Variants in PLOD1 observed in about 807,000 individuals in gnomAD.
PLOD1 encodes the protein lysine hydroxylase.
In PLOD1, 70 loss-of-function variants were observed where a neutral mutation model predicts 94.7. The ratio of observed to expected loss-of-function variants is 0.74; its 90% CI spans 0.61 to 0.90. The LOEUF is 0.90. Among genes scored for constraint, PLOD1 ranks in the 40% least tolerant of loss-of-function variants. PLOD1 has a pLI of 0.00. For synonymous variants in PLOD1, 417 were observed against 400.2 expected, an observed-to-expected ratio of 1.04 and a Z score of -0.50; for missense variants, 905 against 972.7, an observed-to-expected ratio of 0.93 and a Z score of 0.93.
At chr1:11,948,635 C>T (rs550092170) in intron 2 of PLOD1, among the ~76,000 whole-genome samples, 5 of 151,852 alleles carry the variant, frequency 3.3e-5, no homozygotes, top group East Asian at 3.9e-4. Context: ...GAGGCTGAGG[C>T]GGGAGAATCA....
chr1:11,948,006 A>G lies in PLOD1; in HGVS notation c.107A>G (p.Lys36Arg). 6.2e-7 allele frequency: 1 copy of G among 1,613,830 alleles called. No individual in the cohort carries two copies. The highest frequency in any genetic ancestry group is 8.5e-7 in the Non-Finnish European group (1 of 1,179,720). Residue 36 changes from lysine to arginine, a missense_variant, in exon 2 of 19, where the codon AAG (lysine) becomes AGG (arginine). Physicochemically the swap from Lys to Arg is conservative, Grantham distance 26. Transcript: ENST00000196061. ...DNLLVLTVATKETEGFRRFKR... is the reference protein window; with the variant it reads ...DNLLVLTVATRETEGFRRFKR... ...CTTTTAGTCCTCACGGTGGCCACTA[A>G]GGAGACCGAGGGATTCCGTCGCTTC... is the stretch of plus-strand genomic sequence containing the variant.
rs1411397149 is a variant in PLOD1, at chr1:11,952,697, C to T, written c.541C>T (p.Leu181=). The T allele has an allele frequency of 1.9e-6, 3 of 1,614,016 alleles. No individual in the cohort carries two copies. Among genetic ancestry groups the T allele is most frequent in the Non-Finnish European group, 2.5e-6 (3 of 1,179,890 alleles). Residue 181 remains leucine (L), a synonymous_variant, in exon 5 of 19, where the codon CTG becomes TTG. Transcript: ENST00000196061. ...GGGCCAGGACAGCGACAGCGATCAG[C>T]TGTTTTACACCAAGATCTTCTTGGA... The part of the protein sequence containing the change: ...WEGQDSDSDQ[L]FYTKIFLDPE...
At chr1:11,935,343 A>G (rs2100730156) in intron 1 of PLOD1, among the ~76,000 whole-genome samples, 1 of 152,128 alleles carries the variant, frequency 6.6e-6, no homozygotes, top group South Asian at 2.1e-4. Flanking sequence ...AGGCCTCATG[A>G]CCATGGGAAT....
At chr1:11,944,629 A>G in intron 1 of PLOD1, 1 of 1,364,018 alleles carries the variant, frequency 7.3e-7, no homozygotes, top group South Asian at 1.1e-5. Flanking sequence ...CCCAAGTGTG[A>G]GCAGCATCCC....
chr1:11,942,980 T>C (rs1353201629), intron 1 of PLOD1, among the ~76,000 whole-genome samples: 1 of 127,256 alleles, frequency 7.9e-6, no homozygotes, highest in African/African-American at 3.3e-5. Context: ...GTTTGTTTGG[T>C]TTTTTGTTTT....
rs1240129880 is a variant in PLOD1, at chr1:11,958,894, T to A, written c.975+247T>A. ...CACATTACTCAACCTCTCTGTGCTT[T>A]AGTTTCTCATCTATAAAATAGGCAT... On this transcript the variant is annotated intron_variant, in intron 9 of 18. Transcript: ENST00000196061. This position sits in a 1 kb window ranked among gnomAD's most constrained non-coding sequence, Gnocchi z 4.3. Among the ~76,000 whole-genome samples the A allele has an allele frequency of 6.6e-6, 1 of 152,164 alleles. No homozygotes were observed. The highest frequency in any genetic ancestry group is 1.5e-5 in the Non-Finnish European group (1 of 68,042).
rs541355098 is a variant in PLOD1 at position 11,957,233 on chromosome 1, C to T, written c.741+219C>T. On this transcript the variant is annotated intron_variant, in intron 7 of 18. Coordinates refer to ENST00000196061, the MANE Select transcript of PLOD1 (RefSeq NM_000302.4). This position sits in a 1 kb window ranked among gnomAD's most constrained non-coding sequence, Gnocchi z 4.1. ...GTCTGTTCTTGCTGGTCACAGGACA[C>T]GTAGGAGGCTGCCATCCCCTTCCAG... is the stretch of plus-strand genomic sequence containing the variant. The T allele has an allele frequency of 6.8e-5, 50 of 736,492 alleles. No homozygotes were observed. Among genetic ancestry groups the T allele is most frequent in the South Asian group, 3.0e-4 (22 of 73,422 alleles). 45.6% of individuals were successfully genotyped at this position (736,492 alleles called of 1,614,324 possible).
chr1:11,966,753 T>C (rs1022744706), intron 15 of PLOD1, among the ~76,000 whole-genome samples: 1 of 152,096 alleles, frequency 6.6e-6, no homozygotes, highest in Non-Finnish European at 1.5e-5. Context: ...CCTCCCTCCC[T>C]CCATGCCCAT....
chr1:11,940,578 C>A (rs1047203117), intron 1 of PLOD1, among the ~76,000 whole-genome samples: 1 of 152,208 alleles, frequency 6.6e-6, no homozygotes, highest in African/African-American at 2.4e-5. Context: ...AGGCTAAATT[C>A]CCTGCCCAGC....
Position 11,958,556 on chromosome 1 carries a change from A to C in PLOD1, c.884A>C (p.Glu295Ala). The change falls in exon 9 of 19, where the codon GAA becomes GCA. Residue 295 changes from glutamate to alanine, a missense_variant. By Grantham distance (107) the Glu-to-Ala change is moderately radical. Coordinates refer to ENST00000196061, the MANE Select transcript of PLOD1 (RefSeq NM_000302.4). This position sits in a 1 kb window ranked among gnomAD's most constrained non-coding sequence, Gnocchi z 4.3. ...LPTVLVGVFI[E>A]QPTPFVSLFF... ...ACGGTCCTGGTCGGCGTGTTCATCG[A>C]ACAGCCCACGCCGTTTGTGTCCCTG... is the stretch of plus-strand genomic sequence containing the variant. 6.2e-7 allele frequency: 1 copy of C among 1,613,858 alleles called. No individual in the cohort carries two copies. Among genetic ancestry groups the C allele is most frequent in the South Asian group, 1.1e-5 (1 of 91,052 alleles).
chr1:11,967,658 A>ATAT (rs531664511), intron 16 of PLOD1, among the ~76,000 whole-genome samples: 14,707 of 103,806 alleles, frequency 0.14, 1,505 homozygotes, highest in South Asian at 0.24. Flanking sequence ...ATATATATAT[A>ATAT]TTTTTTTTAA....
intron 14 of PLOD1, 53 bp from the exon 15 acceptor site, chr1:11,966,198 C>G (rs746542227): frequency 1.1e-4 from 153 of 1,343,346 alleles, no homozygotes; most frequent in Admixed American, 2.3e-4. Flanking sequence ...TCTGAGCATC[C>G]CTGGCAGTTG....
intron 11 of PLOD1, 111 bp from the exon 12 acceptor site, chr1:11,964,064 G>A (rs934220071): frequency 1.8e-6 from 2 of 1,122,056 alleles, no homozygotes; most frequent in Non-Finnish European, 1.4e-6. Flanking sequence ...GAGGTGCTTG[G>A]GGATCCCTGC....
chr1:11,968,189 G>GTT (rs1312030456), intron 16 of PLOD1, among the ~76,000 whole-genome samples: 1 of 151,928 alleles, frequency 6.6e-6, no homozygotes, highest in Admixed American at 6.6e-5. Context: ...CCTGGCCTCA[G>GTT]GTAAGCTACC....
At chr1:11,940,919 C>T (rs1046408271) in intron 1 of PLOD1, among the ~76,000 whole-genome samples, 1 of 152,218 alleles carries the variant, frequency 6.6e-6, no homozygotes, top group Non-Finnish European at 1.5e-5. Flanking sequence ...GCACTGGAAG[C>T]GCTGGCTTTT....
chr1:11,951,555 T>G (rs114933299), intron 4 of PLOD1, among the ~76,000 whole-genome samples: 1 of 145,508 alleles, frequency 6.9e-6, no homozygotes, highest in Non-Finnish European at 1.5e-5. Flanking sequence ...ATAATTTTTT[T>G]AAATAAAAAA....
chr1:11,949,772 G>A lies in PLOD1; in HGVS notation c.169-1G>A. On this transcript the variant is annotated splice_acceptor_variant, in intron 2 of 18. Transcript: ENST00000196061. LOFTEE classifies it high-confidence loss of function. Reference sequence around the variant, plus strand: ...CCGTGTTAAGGGGTGTTTCTCTCCAGGCGCTTGGCCTAGGGGAGGACTGGA... The same window carrying A: ...CCGTGTTAAGGGGTGTTTCTCTCCAAGCGCTTGGCCTAGGGGAGGACTGGA... 6.2e-7 allele frequency: 1 copy of A among 1,613,988 alleles called. No homozygotes were observed. Among genetic ancestry groups the A allele is most frequent in the South Asian group, 1.1e-5 (1 of 91,080 alleles).
At position 11,966,263 on chromosome 1, in the gene PLOD1, A is replaced by T; in HGVS notation, c.1597A>T (p.Lys533Ter). 1 of 1,606,440 alleles carries T rather than the reference A, an allele frequency of 6.2e-7. No individual in the cohort carries two copies. Among genetic ancestry groups the T allele is most frequent in the Non-Finnish European group, 8.5e-7 (1 of 1,176,292 alleles). The change falls in exon 15 of 19, where the codon AAG becomes TAG. Residue 533 changes from lysine to a stop codon, truncating the protein, a stop_gained. Transcript: ENST00000196061. LOFTEE classifies it high-confidence loss of function. ...VFSNPEDWKE[K>*]YIHQNYTKAL... ...CCACTTCCCACAGGACTGGAAGGAG[A>T]AGTACATCCACCAGAACTACACCAA...
At position 11,952,794 on chromosome 1, in the gene PLOD1, C is replaced by T. The variant is rs534738522; in HGVS notation, c.579+59C>T. ...CTGGGGATCCACCGGCCAGGCTGCA[C>T]GGGAACAGCTCCTCTCAGGCCTGAA... is the stretch of plus-strand genomic sequence containing the variant. On this transcript the variant is annotated intron_variant, in intron 5 of 18. Coordinates refer to ENST00000196061, the MANE Select transcript of PLOD1 (RefSeq NM_000302.4). The T allele has an allele frequency of 6.4e-5, 78 of 1,212,280 alleles. 2 individuals carry two copies. The South Asian group carries it at 7.3e-4, about 11-fold the overall frequency. The allele number at this position is 1,212,280 out of a possible 1,614,324, so 75.1% of individuals were successfully genotyped here.
Sources: gnomAD v4.1 joint callset for allele counts (sites outside exome capture counted in the v4.1 genomes callset) on GRCh38, gnomAD v4.1.1 for gene constraint, Gnocchi (gnomAD v3.1) non-coding constraint, MANE v1.5 for transcripts, NCBI Gene and HGNC (gene_info 2026-07-23, HGNC 2026-07-21) for gene names.